The following B3GALT1 variants were observed in gnomAD, a reference collection of about 807,000 sequenced individuals.
B3GALT1 encodes UDP-Gal:betaGlcNAc beta 1,3-galactosyltransferase, polypeptide 1.
B3GALT1 carries 10 observed loss-of-function variants against 23.2 expected under a neutral mutation model. The observed-to-expected ratio is 0.43, with a 90% confidence interval of 0.27 to 0.73. The LOEUF (loss-of-function observed/expected upper bound fraction) is 0.73. Among genes scored for constraint, B3GALT1 ranks in the 30% least tolerant of loss-of-function variants. B3GALT1 has a pLI of 0.21. For missense variants in B3GALT1, 299 were observed against 405.4 expected, an observed-to-expected ratio of 0.74 and a Z score of 2.25; for synonymous variants, 156 against 141.5, an observed-to-expected ratio of 1.10 and a Z score of -0.73.
chr2:167,537,287 T>C (rs183079990), intron 2 of B3GALT1, among the ~76,000 whole-genome samples: 1 of 152,228 alleles, frequency 6.6e-6, no homozygotes, highest in East Asian at 1.9e-4. Flanking sequence ...CACCGTATGA[T>C]TCATTTATCT....
intron 3 of B3GALT1, among the ~76,000 whole-genome samples, chr2:167,673,634 CA>C (rs935588965): frequency 6.6e-6 from 1 of 151,746 alleles, no homozygotes; most frequent in African/African-American, 2.4e-5. Context: ...TTTATAAAAT[CA>C]ACACTAAAAT....
chr2:167,704,004 AC>A (rs1490675051), intron 3 of B3GALT1, among the ~76,000 whole-genome samples: 2 of 151,808 alleles, frequency 1.3e-5, no homozygotes, highest in East Asian at 3.9e-4. Context: ...ACACGGTGAA[AC>A]CCCGTCTCTA....
intron 2 of B3GALT1, among the ~76,000 whole-genome samples, chr2:167,601,880 C>T (rs62196695): frequency 1.3e-5 from 2 of 152,198 alleles, no homozygotes; most frequent in Non-Finnish European, 2.9e-5. Context: ...GCATAAAAAC[C>T]TCAAATATCT....
chr2:167,412,697 T>A (rs930877539), intron 1 of B3GALT1, among the ~76,000 whole-genome samples: 1 of 152,096 alleles, frequency 6.6e-6, no homozygotes, highest in Non-Finnish European at 1.5e-5. Context: ...AAGTTGAACA[T>A]ATTGTATATT....
intron 3 of B3GALT1, among the ~76,000 whole-genome samples, chr2:167,680,170 T>C (rs1032974870): frequency 6.6e-6 from 1 of 152,234 alleles, no homozygotes; most frequent in African/African-American, 2.4e-5. Context: ...TACATAAATA[T>C]TTTGTAAATG....
intron 4 of B3GALT1, among the ~76,000 whole-genome samples, chr2:167,849,136 G>A (rs1216990263): frequency 2.0e-5 from 3 of 152,126 alleles, no homozygotes; most frequent in Non-Finnish European, 4.4e-5. Flanking sequence ...AATCAATATT[G>A]TGAAAATGAT....
chr2:167,468,079 C>T (rs1699373662), intron 1 of B3GALT1, among the ~76,000 whole-genome samples: 1 of 151,924 alleles, frequency 6.6e-6, no homozygotes, highest in African/African-American at 2.4e-5. Context: ...TCTCCAAGGG[C>T]CATGAAACAG....
chr2:167,496,047 C>T (rs533539112), intron 2 of B3GALT1, among the ~76,000 whole-genome samples: 236 of 151,660 alleles, frequency 1.6e-3, no homozygotes, highest in African/African-American at 5.5e-3. Flanking sequence ...CTGAGTAAAT[C>T]GGCCAAGTGT....
At chr2:167,373,462 T>C (rs1697715877) in intron 1 of B3GALT1, among the ~76,000 whole-genome samples, 1 of 151,778 alleles carries the variant, frequency 6.6e-6, no homozygotes, top group Non-Finnish European at 1.5e-5. Context: ...CGTATTTCAG[T>C]CTAAAGACTC....
intron 1 of B3GALT1, among the ~76,000 whole-genome samples, chr2:167,306,042 T>A (rs936580438): frequency 1.3e-5 from 2 of 151,930 alleles, no homozygotes; most frequent in African/African-American, 4.8e-5. Flanking sequence ...GGAAAATAAT[T>A]ATAAAAAAAA....
At chr2:167,336,646 A>G (rs1000591583) in intron 1 of B3GALT1, among the ~76,000 whole-genome samples, 14 of 152,182 alleles carry the variant, frequency 9.2e-5, no homozygotes, top group Admixed American at 5.2e-4. Flanking sequence ...GATACTTATT[A>G]GTAATTGTTT....
chr2:167,811,389 C>T (rs1210069771), intron 3 of B3GALT1, among the ~76,000 whole-genome samples: 1 of 152,186 alleles, frequency 6.6e-6, no homozygotes, highest in Non-Finnish European at 1.5e-5. Flanking sequence ...GATTTAACTC[C>T]CTTTTTCTTT....
intron 1 of B3GALT1, among the ~76,000 whole-genome samples, chr2:167,317,366 C>G (rs1696735771): frequency 6.6e-6 from 1 of 152,038 alleles, no homozygotes; most frequent in Non-Finnish European, 1.5e-5. Flanking sequence ...TTGTGGGCTC[C>G]AAGTATGGAG....
At chr2:167,512,511 T>A (rs191558493) in intron 2 of B3GALT1, among the ~76,000 whole-genome samples, 1,564 of 144,904 alleles carry the variant, frequency 0.011, 34 homozygotes, top group African/African-American at 0.038. Context: ...TATACATGCA[T>A]ATATACATAT....
At chr2:167,642,403 A>G (rs1157409052) in intron 2 of B3GALT1, among the ~76,000 whole-genome samples, 1 of 152,234 alleles carries the variant, frequency 6.6e-6, no homozygotes, top group Non-Finnish European at 1.5e-5. Flanking sequence ...TCCATGTTCA[A>G]TGGACTGATT....
intron 1 of B3GALT1, among the ~76,000 whole-genome samples, chr2:167,421,940 A>ATAT (rs1698551516): frequency 6.6e-6 from 1 of 152,212 alleles, no homozygotes; most frequent in South Asian, 2.1e-4. Flanking sequence ...CTGCTTTCAA[A>ATAT]TATTATCACA....
chr2:167,529,248 C>T (rs1205037218), intron 2 of B3GALT1, among the ~76,000 whole-genome samples: 1 of 152,056 alleles, frequency 6.6e-6, no homozygotes, highest in African/African-American at 2.4e-5. Context: ...TTCTCATTCC[C>T]ATAACCCTAA....
intron 3 of B3GALT1, among the ~76,000 whole-genome samples, chr2:167,667,731 A>T (rs567873023): frequency 6.6e-6 from 1 of 152,228 alleles, no homozygotes; most frequent in South Asian, 2.1e-4. Context: ...CCTTTCTTCC[A>T]GTTGATCGCA....
intron 2 of B3GALT1, among the ~76,000 whole-genome samples, chr2:167,560,564 T>G (rs1683959428): frequency 6.6e-6 from 1 of 151,998 alleles, no homozygotes. Context: ...GAAACGCATC[T>G]CATGTGCAGA....
Sources: gnomAD v4.1 joint callset for allele counts (sites outside exome capture counted in the v4.1 genomes callset) on GRCh38, gnomAD v4.1.1 for gene constraint, MANE v1.5 for transcripts, NCBI Gene and HGNC (gene_info 2026-07-23, HGNC 2026-07-21) for gene names.